The following NUP98 variants were observed in gnomAD, a reference collection of about 807,000 sequenced individuals.
NUP98 encodes the protein nucleoporin 98 and 96 precursor, also known as nuclear pore complex protein Nup98-Nup96.
In NUP98, 26 loss-of-function variants were observed where a neutral mutation model predicts 191.9. The ratio of observed to expected loss-of-function variants is 0.14; its 90% CI spans 0.10 to 0.19. NUP98 has a LOEUF of 0.19. Among genes scored for constraint, NUP98 ranks in the 10% least tolerant of loss-of-function variants. The pLI is 1.00. For missense variants in NUP98, 1,941 were observed against 2,178.8 expected, an observed-to-expected ratio of 0.89 and a Z score of 2.17; for synonymous variants, 808 against 778.4, an observed-to-expected ratio of 1.04 and a Z score of -0.63.
intron 27 of NUP98, among the ~76,000 whole-genome samples, chr11:3,691,791 T>A (rs1437265806): frequency 7.9e-5 from 12 of 152,168 alleles, no homozygotes; most frequent in Admixed American, 7.9e-4. Flanking sequence ...TGACATCAGG[T>A]GATACGCCTG....
At chr11:3,773,288 C>CA (rs2081592685) in intron 6 of NUP98, among the ~76,000 whole-genome samples, 1 of 151,898 alleles carries the variant, frequency 6.6e-6, no homozygotes, top group South Asian at 2.1e-4. Flanking sequence ...CCAGTGGTCC[C>CA]ACCTACTTCG....
intron 25 of NUP98, 169 bp downstream of exon 25, chr11:3,698,913 T>G: frequency 1.4e-6 from 1 of 731,202 alleles, no homozygotes; most frequent in Non-Finnish European, 2.3e-6. Context: ...AAAGTTAAAT[T>G]TTATGTTATA....
At chr11:3,768,247 C>T (rs2081404958) in intron 8 of NUP98, among the ~76,000 whole-genome samples, 1 of 151,878 alleles carries the variant, frequency 6.6e-6, no homozygotes, top group Admixed American at 6.6e-5. Context: ...CGGTGAAACC[C>T]CATCTGTACT....
At chr11:3,699,766 T>C (rs12285688) in intron 24 of NUP98, among the ~76,000 whole-genome samples, 5,887 of 152,210 alleles carry the variant, frequency 0.039, 138 homozygotes, top group Non-Finnish European at 0.055. Flanking sequence ...AATGAGACGA[T>C]TAAGTAAATA....
chr11:3,780,981 G>A (rs2081948306), intron 2 of NUP98, among the ~76,000 whole-genome samples: 1 of 151,984 alleles, frequency 6.6e-6, no homozygotes. Context: ...TCGGGGGGCT[G>A]AGGCAGGAGA....
At chr11:3,746,907 C>G (rs1416304274) in intron 11 of NUP98, among the ~76,000 whole-genome samples, 1 of 136,980 alleles carries the variant, frequency 7.3e-6, no homozygotes, top group Non-Finnish European at 1.5e-5. Context: ...GAGCAAAACG[C>G]AGTCTCAAAA....
chr11:3,794,398 G>C lies in NUP98; in HGVS notation c.-29+3002C>G, dbSNP rs367601940. Among the ~76,000 whole-genome samples the C allele has an allele frequency of 3.3e-5, 5 of 152,150 alleles. No homozygotes were observed. In the East Asian group the frequency reaches 5.8e-4, roughly 18 times the overall value. On this transcript the variant is annotated intron_variant, in intron 1 of 32. Transcript: ENST00000324932. Reference sequence around the variant, plus strand: ...TGCAGTGGCACAATCTTGGCTCACTGCAACCTCCGCCTCCCGAGTTCAAGC... The same window carrying C: ...TGCAGTGGCACAATCTTGGCTCACTCCAACCTCCGCCTCCCGAGTTCAAGC...
At chr11:3,693,952 C>T (rs568778468) in intron 26 of NUP98, among the ~76,000 whole-genome samples, 5 of 152,088 alleles carry the variant, frequency 3.3e-5, no homozygotes, top group Non-Finnish European at 7.3e-5. Context: ...TAATGCCAGC[C>T]AGGCACTGTG....
chr11:3,762,881 C>T (rs1299332602), intron 9 of NUP98, 21 bp downstream of exon 9: 1 of 1,607,346 alleles, frequency 6.2e-7, no homozygotes, highest in Non-Finnish European at 8.5e-7. Context: ...CTTCAAATTA[C>T]AGTCAACTGC....
In NUP98 at chr11:3,702,857, C is replaced by T. The variant is rs1227743757; in HGVS notation, c.3118G>A (p.Ala1040Thr). The T allele has an allele frequency of 1.1e-5, 17 of 1,612,570 alleles. No individual in the cohort carries two copies. Among genetic ancestry groups the T allele is most frequent in the Non-Finnish European group, 1.4e-5 (17 of 1,179,130 alleles). Residue 1040 changes from alanine to threonine, a missense_variant, in exon 23 of 33, where the codon GCT becomes ACT. Physicochemically the swap from Ala to Thr is moderately conservative, Grantham distance 58. This residue lies in a region of NUP98 where 1,030 missense variants were observed against 1,115.8 expected (regional missense o/e 0.92). Coordinates refer to ENST00000324932, the MANE Select transcript of NUP98 (RefSeq NM_016320.5). ...GLLQSKFTSG[A>T]FLSPSVSVQE... ...ACAGAGACACTTGGTGAAAGAAAAG[C>T]TCCACTTGTAAATTTTGATTGTAGT...
intron 1 of NUP98, among the ~76,000 whole-genome samples, chr11:3,791,361 C>T (rs1292964927): frequency 6.7e-6 from 1 of 148,578 alleles, no homozygotes; most frequent in East Asian, 2.0e-4. Context: ...GGTGAAACCT[C>T]ATCTCTACTA....
chr11:3,683,950 G>A (rs1451408461), intron 29 of NUP98, among the ~76,000 whole-genome samples: 1 of 152,074 alleles, frequency 6.6e-6, no homozygotes, highest in African/African-American at 2.4e-5. Context: ...CCTCACGCCT[G>A]TAATCCCAGC....
rs763711883 is a variant in NUP98 at position 3,753,408 on chromosome 11, C to G, written c.1175G>C (p.Gly392Ala). 6.8e-6 allele frequency: 11 copies of G among 1,611,350 alleles called. No individual in the cohort carries two copies. Among genetic ancestry groups the G allele is most frequent in the Non-Finnish European group, 9.3e-6 (11 of 1,177,790 alleles). Residue 392 changes from glycine to alanine, a missense_variant and splice_region_variant, in exon 11 of 33, where the codon GGT becomes GCT. Physicochemically the swap from Gly to Ala is moderately conservative, Grantham distance 60. Transcript: ENST00000324932. ...SFGTTSGGLFGFGTNTSGNSI... is the reference protein window; with the variant it reads ...SFGTTSGGLFAFGTNTSGNSI... ...ATTCCCACTGGTATTTGTGCCAAAA[C>G]CTAGGAAGACAAAAGAATGAGTGGA...
intron 1 of NUP98, among the ~76,000 whole-genome samples, chr11:3,785,599 A>C (rs1421772549): frequency 6.6e-6 from 1 of 152,188 alleles, no homozygotes; most frequent in Non-Finnish European, 1.5e-5. Context: ...CCTCTACTAA[A>C]AAAACACAAA....
chr11:3,717,125 G>C (rs1287715379), intron 18 of NUP98, among the ~76,000 whole-genome samples: 1 of 152,188 alleles, frequency 6.6e-6, no homozygotes, highest in East Asian at 1.9e-4. Context: ...CTCCGGAGTA[G>C]CTGGGATTAC....
Position 3,689,940 on chromosome 11 carries a change from A to ATT in NUP98, c.4454+1405_4454+1406dup, listed in dbSNP as rs989043726. Among the ~76,000 whole-genome samples the ATT allele has an allele frequency of 1.9e-3, 139 of 73,578 alleles. 4 individuals are homozygous for ATT. The highest frequency in any genetic ancestry group is 2.9e-3 in the Non-Finnish European group (113 of 38,900). 48.3% of individuals were successfully genotyped at this position (73,578 alleles called of 152,430 possible). A position where few individuals can be genotyped will look rare whatever the true frequency, so the allele number is the denominator to read the frequency against. ...GTGTGAGCCACCATGGCTGGCCTGC[A>ATT]TTTTTTTTTTTTTTTTTTTTTTTTT... On this transcript the variant is annotated intron_variant, in intron 28 of 32. Coordinates refer to ENST00000324932, the MANE Select transcript of NUP98 (RefSeq NM_016320.5).
At chr11:3,682,075 T>C (rs765243566) in intron 30 of NUP98, among the ~76,000 whole-genome samples, 8 of 152,244 alleles carry the variant, frequency 5.3e-5, no homozygotes, top group Admixed American at 5.2e-4. Context: ...TTAAACTTCA[T>C]GAAGCAACTT....
intron 8 of NUP98, among the ~76,000 whole-genome samples, chr11:3,763,513 G>A (rs571362894): frequency 2.6e-5 from 4 of 152,220 alleles, no homozygotes; most frequent in South Asian, 2.1e-4. Context: ...AATAATCAGC[G>A]AAAATAAATC....
rs1004583061 is a variant in NUP98, at chr11:3,702,872, T to G, written c.3103A>C (p.Lys1035Gln). The G allele has an allele frequency of 6.2e-7, 1 of 1,611,518 alleles. No individual in the cohort carries two copies. Among genetic ancestry groups the G allele is most frequent in the East Asian group, 2.2e-5 (1 of 44,816 alleles). ...RSLVGGLLQS[K>Q]FTSGAFLSPS... is the part of the protein sequence containing the mutation. ...GAAAGAAAAGCTCCACTTGTAAATTTTGATTGTAGTAACCCACCAACTGAA... is the reference window on the plus strand; with the variant it reads ...GAAAGAAAAGCTCCACTTGTAAATTGTGATTGTAGTAACCCACCAACTGAA... Residue 1035 changes from lysine (K) to glutamine (Q), a missense_variant, in exon 23 of 33, where the codon AAA (lysine) becomes CAA (glutamine). By Grantham distance (53) the Lys-to-Gln change is moderately conservative. Coordinates refer to ENST00000324932, the MANE Select transcript of NUP98 (RefSeq NM_016320.5).
Sources: gnomAD v4.1 joint callset for allele counts (sites outside exome capture counted in the v4.1 genomes callset) on GRCh38, gnomAD v4.1.1 for gene constraint, gnomAD v4.1.1 regional missense constraint, MANE v1.5 for transcripts, NCBI Gene and HGNC (gene_info 2026-07-23, HGNC 2026-07-21) for gene names.